Variants in KEL observed in about 807,000 individuals in gnomAD.
KEL encodes kell blood group glycoprotein.
A neutral mutation model predicts 99.5 loss-of-function variants in KEL; 96 were observed. The observed-to-expected ratio is 0.97, with a 90% CI of 0.82 to 1.14. The LOEUF (loss-of-function observed/expected upper bound fraction) is 1.14, where lower values mean the gene tolerates loss of function less well. Ranked by LOEUF, KEL falls within the 50% of genes most tolerant of loss-of-function variation. KEL has a pLI of 0.00. For synonymous variants in KEL, 355 were observed against 354.8 expected (o/e 1.00, Z -0.01); for missense variants, 926 against 924.2 (o/e 1.00, Z -0.03).
chr7:142,961,640 G>A, intron 2 of KEL, 139 bp from the exon 3 acceptor site: 1 of 1,340,304 alleles, frequency 7.5e-7, no homozygotes, highest in South Asian at 1.2e-5. Context: ...CCTAAACCCA[G>A]CCCTACTTTA....
Position 142,941,356 on chromosome 7 carries a change from G to A in KEL, c.2095C>T (p.Leu699Phe), listed in dbSNP as rs373438959. The A allele has an allele frequency of 1.7e-5, 27 of 1,613,092 alleles. No homozygotes were observed. Among genetic ancestry groups the A allele is most frequent in the Non-Finnish European group, 2.0e-5 (23 of 1,179,310 alleles). ...CTGCTGAGGGGCCCGTGGACTCGGA[G>A]GTGTGGAGGGCTGTGAGTGTCGTGA... ...DSHDTHSPPH[L>F]RVHGPLSSTP... The change falls in exon 19 of 19, where the codon CTC (leucine) becomes TTC (phenylalanine). Residue 699 changes from leucine to phenylalanine, a missense_variant. Physicochemically the swap from Leu to Phe is conservative, Grantham distance 22. Transcript: ENST00000355265.
At position 142,954,628 on chromosome 7, in the gene KEL, T is replaced by C. The variant is rs529456249; in HGVS notation, c.673-101A>G. ...TACCATGGGAGATGGCCTTGGGAGA[T>C]GGACACAAAGATTGGACAGAAGAGA... On this transcript the variant is annotated intron_variant, in intron 6 of 18. Coordinates refer to ENST00000355265, the MANE Select transcript of KEL (RefSeq NM_000420.3). 4.0e-6 allele frequency: 4 copies of C among 996,864 alleles called. No homozygotes were observed. The Admixed American group carries it at 5.1e-5, about 13-fold the overall frequency. 61.8% of individuals were successfully genotyped at this position (996,864 alleles called of 1,614,324 possible).
At position 142,961,418 on chromosome 7, in the gene KEL, C is replaced by G. The variant is rs376532102; in HGVS notation, c.165G>C (p.Leu55Phe). The part of the protein sequence containing the change: ...ARRVLTAILI[L>F]GLLLCFSVLL... ...GCACAGAAAAACAAAGGAGCAGGCC[C>G]AAAATCAGGATAGCTGTCAGCACCC... The change falls in exon 3 of 19, where the codon TTG (leucine) becomes TTC (phenylalanine). Residue 55 changes from leucine to phenylalanine, a missense_variant. Transcript: ENST00000355265. 12 of 1,613,586 alleles carry G rather than the reference C, an allele frequency of 7.4e-6. No individual in the cohort carries two copies. The African/African-American group carries it at 1.5e-4, about 20-fold the overall frequency.
chr7:142,949,328 T>A (rs1796615852), intron 10 of KEL, among the ~76,000 whole-genome samples: 1 of 152,224 alleles, frequency 6.6e-6, no homozygotes, highest in Non-Finnish European at 1.5e-5. Flanking sequence ...GATAGTGCAA[T>A]TTGAGTGGAG....
In KEL at chr7:142,960,996, GCCC is replaced by G; in HGVS notation, c.329_331del (p.Arg110_Ala111delinsThr). ...CTGAAAAGAATTATTGGTCTCTTTG[GCCC>G]TTCCACAGGCAAAGCTGAAGAAGTC... On this transcript the variant is annotated inframe_deletion, in exon 4 of 19. Coordinates refer to ENST00000355265, the MANE Select transcript of KEL (RefSeq NM_000420.3). 3 of 1,614,178 alleles carry G rather than the reference GCCC, an allele frequency of 1.9e-6. No homozygotes were observed. The highest frequency in any genetic ancestry group is 2.5e-6 in the Non-Finnish European group (3 of 1,180,034).
Position 142,962,307 on chromosome 7 carries a change from T to A in KEL, c.-101A>T. 2 of 1,383,216 alleles carry A rather than the reference T, an allele frequency of 1.4e-6. No individual in the cohort carries two copies. The highest frequency in any genetic ancestry group is 2.3e-5 in the East Asian group (1 of 43,682). 85.7% of individuals were successfully genotyped at this position (1,383,216 alleles called of 1,614,324 possible). A position where few individuals can be genotyped will look rare whatever the true frequency, so the allele number is the denominator to read the frequency against. ...AACACCCCCCGCCCCAGTTCCTTGA[T>A]CCTGGAGAAGGGGCACTTCTGCTGC... is the stretch of plus-strand genomic sequence containing the variant. On this transcript the variant is annotated 5_prime_UTR_variant, in exon 1 of 19. Coordinates refer to ENST00000355265, the MANE Select transcript of KEL (RefSeq NM_000420.3).
intron 4 of KEL, among the ~76,000 whole-genome samples, chr7:142,960,707 G>C (rs1026381736): frequency 6.6e-6 from 1 of 152,124 alleles, no homozygotes; most frequent in Non-Finnish European, 1.5e-5. Flanking sequence ...GGTACCCAAG[G>C]CAAGGCAACA....
In KEL at chr7:142,948,901, C is replaced by A. The variant is rs190838175; in HGVS notation, c.1204-2584G>T. Among the ~76,000 whole-genome samples the A allele has an allele frequency of 5.4e-3, 793 of 146,174 alleles. 7 individuals carry two copies. The highest frequency in any genetic ancestry group is 0.018 in the African/African-American group (741 of 40,470). ...CCCAGTGTTTCCCAAGCTTCACAGA[C>A]ACACACACACACACACACACACACA... On this transcript the variant is annotated intron_variant, in intron 10 of 18. Coordinates refer to ENST00000355265, the MANE Select transcript of KEL (RefSeq NM_000420.3).
chr7:142,945,681 T>C (rs537664560), intron 11 of KEL, among the ~76,000 whole-genome samples: 2 of 151,538 alleles, frequency 1.3e-5, no homozygotes, highest in Non-Finnish European at 2.9e-5. Flanking sequence ...CAGGCTAGAG[T>C]ACAATGGCGT....
intron 9 of KEL, 22 bp downstream of exon 9, chr7:142,953,786 C>T (rs1446281223): frequency 1.2e-6 from 2 of 1,613,768 alleles, no homozygotes; most frequent in South Asian, 1.1e-5. Flanking sequence ...CCATGATCTC[C>T]CCAATCCCAC....
chr7:142,962,172 C>A, intron 1 of KEL, 32 bp downstream of exon 1: 1 of 1,614,098 alleles, frequency 6.2e-7, no homozygotes, highest in Admixed American at 1.7e-5. Context: ...CACCCCTCCC[C>A]GCTAAGCCTC....
rs1259142036 is a variant in KEL at position 142,946,151 on chromosome 7, G to C, written c.1314+56C>G. On this transcript the variant is annotated intron_variant, in intron 11 of 18. Transcript: ENST00000355265. ...AGTCAAAGTTAATAGAAGAGGGAAG[G>C]CTGCTTTGGGTAGGAAGGGGTGGAG... The C allele has an allele frequency of 1.5e-5, 19 of 1,241,082 alleles. No individual in the cohort carries two copies. In the South Asian group the frequency reaches 1.8e-4, roughly 12 times the overall value. The allele number at this position is 1,241,082 out of a possible 1,614,324, so 76.9% of individuals were successfully genotyped here. A position where few individuals can be genotyped will look rare whatever the true frequency, so the allele number is the denominator to read the frequency against.
chr7:142,961,207 G>C (rs750489216), intron 3 of KEL, 103 bp from the exon 4 acceptor site: 15 of 1,514,986 alleles, frequency 9.9e-6, no homozygotes, highest in Non-Finnish European at 1.4e-5. Context: ...GTGGGGAGCT[G>C]ATGAAAAAGA....
At chr7:142,957,134 C>T (rs8175982) in intron 6 of KEL, among the ~76,000 whole-genome samples, 3,914 of 152,304 alleles carry the variant, frequency 0.026, 182 homozygotes, top group African/African-American at 0.088. Flanking sequence ...CAGGGCTTCA[C>T]CTAACTCATA....
At chr7:142,955,728 T>C (rs1175588914) in intron 6 of KEL, among the ~76,000 whole-genome samples, 1 of 152,130 alleles carries the variant, frequency 6.6e-6, no homozygotes, top group Admixed American at 6.5e-5. Flanking sequence ...CCATATACTT[T>C]TCCTTCTGTC....
intron 6 of KEL, among the ~76,000 whole-genome samples, chr7:142,955,036 A>G (rs755359381): frequency 2.6e-5 from 4 of 152,176 alleles, no homozygotes; most frequent in Non-Finnish European, 5.9e-5. Context: ...GCTGTAACCA[A>G]TCAAGCTGTT....
intron 10 of KEL, among the ~76,000 whole-genome samples, chr7:142,952,002 C>T (rs930738164): frequency 2.0e-5 from 3 of 152,078 alleles, no homozygotes; most frequent in Admixed American, 2.0e-4. Context: ...CCAGGCCCCT[C>T]CTCAGATATA....
chr7:142,943,586 A>G lies in KEL; in HGVS notation c.1603T>C (p.Ser535Pro). ...TAGTAAGCATTGACGTCCCAAGGGG[A>G]CACCTTCCACCTGTGGGAAGAGGAC... ...QPHPQHRWKV[S>P]PWDVNAYYSV... Residue 535 changes from serine (S) to proline (P), a missense_variant, in exon 15 of 19, where the codon TCC (serine) becomes CCC (proline). Transcript: ENST00000355265. 6.2e-7 allele frequency: 1 copy of G among 1,613,142 alleles called. No individual in the cohort carries two copies.
intron 3 of KEL, 126 bp from the exon 4 acceptor site, chr7:142,961,230 G>C: frequency 6.6e-7 from 1 of 1,507,968 alleles, no homozygotes; most frequent in Non-Finnish European, 9.2e-7. Context: ...TGGTTAGGAT[G>C]CAGGGAGGAA....
Sources: allele counts gnomAD v4.1 joint callset (sites outside exome capture counted in the v4.1 genomes callset), GRCh38; gene constraint gnomAD v4.1.1; transcripts MANE v1.5; gene names NCBI Gene and HGNC (gene_info 2026-07-23, HGNC 2026-07-21).